C3orf33: variants seen among roughly 807,000 people sequenced by gnomAD.
The protein encoded by C3orf33 is AP-1 activity suppressor.
In C3orf33, 23 loss-of-function variants were observed where a neutral mutation model predicts 28.7. The ratio of observed to expected loss-of-function variants is 0.80; its 90% CI spans 0.58 to 1.13. The LOEUF is 1.13. Ranked by LOEUF, C3orf33 falls within the 50% of genes most tolerant of loss-of-function variation. C3orf33 has a pLI of 0.00. For missense variants in C3orf33, 327 were observed against 353.4 expected, an observed-to-expected ratio of 0.93 and a Z score of 0.60; for synonymous variants, 119 against 120.5, an observed-to-expected ratio of 0.99 and a Z score of 0.08.
In C3orf33 at chr3:155,799,858, A is replaced by T. The variant is rs148438649; in HGVS notation, c.174+2674T>A. Among the ~76,000 whole-genome samples the T allele has an allele frequency of 7.2e-5, 11 of 152,312 alleles. No individual in the cohort carries two copies. In the East Asian group the frequency reaches 2.1e-3, roughly 29 times the overall value. On this transcript the variant is annotated intron_variant, in intron 2 of 4. Coordinates refer to ENST00000340171, the MANE Select transcript of C3orf33 (RefSeq NM_001308229.2). ...GTTCTCACTTATTTGAGGGAACTAA[A>T]AAATTTAAAAATTGAATTCATGGAG...
At chr3:155,782,704 G>A (rs940874865) in intron 2 of C3orf33, among the ~76,000 whole-genome samples, 3 of 152,182 alleles carry the variant, frequency 2.0e-5, no homozygotes, top group African/African-American at 7.2e-5. Flanking sequence ...TACAAGCCAA[G>A]AAAGTTTGTT....
At chr3:155,799,706 T>C (rs965498485) in intron 2 of C3orf33, among the ~76,000 whole-genome samples, 9 of 151,854 alleles carry the variant, frequency 5.9e-5, no homozygotes, top group African/African-American at 2.2e-4. Context: ...AAAAAGAAAA[T>C]ATGGTACATA....
chr3:155,798,857 G>A (rs1235105557), intron 2 of C3orf33, among the ~76,000 whole-genome samples: 2 of 152,086 alleles, frequency 1.3e-5, no homozygotes, highest in African/African-American at 4.8e-5. Flanking sequence ...GAGAAAATAT[G>A]TGCAAACCAT....
rs149265634 is a variant in C3orf33 at position 155,783,206 on chromosome 3, A to G, written c.175-7358T>C. 4.6e-3 allele frequency among the ~76,000 whole-genome samples: 695 copies of G among 151,096 alleles called. 10 individuals are homozygous for G. The highest frequency in any genetic ancestry group is 0.016 in the African/African-American group (648 of 40,958). The stretch of plus-strand genomic sequence containing the variant: ...GTCTCGTTCTGTCACCCAGGCTGGA[A>G]TGCAGTGGCACAATCTCGGCTCACT... On this transcript the variant is annotated intron_variant, in intron 2 of 4. Coordinates refer to ENST00000340171, the MANE Select transcript of C3orf33 (RefSeq NM_001308229.2).
chr3:155,790,340 T>C (rs1577431273), intron 2 of C3orf33, among the ~76,000 whole-genome samples: 3 of 145,132 alleles, frequency 2.1e-5, no homozygotes, highest in Non-Finnish European at 3.0e-5. Flanking sequence ...AAAAAAAATA[T>C]AGGGCAAAAG....
At chr3:155,797,106 G>C (rs1751495590) in intron 2 of C3orf33, among the ~76,000 whole-genome samples, 1 of 152,182 alleles carries the variant, frequency 6.6e-6, no homozygotes, top group Non-Finnish European at 1.5e-5. Context: ...AGAATTGCTT[G>C]AACCTGGAGG....
intron 2 of C3orf33, among the ~76,000 whole-genome samples, chr3:155,782,907 A>T (rs962866118): frequency 3.3e-5 from 5 of 152,224 alleles, no homozygotes; most frequent in Non-Finnish European, 7.3e-5. Context: ...ATAATTTAAG[A>T]GACTACAGGT....
chr3:155,777,011 A>C (rs1750770179), intron 2 of C3orf33, among the ~76,000 whole-genome samples: 1 of 152,112 alleles, frequency 6.6e-6, no homozygotes, highest in African/African-American at 2.4e-5. Context: ...TAGATCATCT[A>C]TTTTTAAAAA....
intron 2 of C3orf33, among the ~76,000 whole-genome samples, chr3:155,780,425 T>C (rs1750883061): frequency 6.6e-6 from 1 of 152,264 alleles, no homozygotes; most frequent in Non-Finnish European, 1.5e-5. Flanking sequence ...ATCTACTTTG[T>C]CATCTATAAA....
chr3:155,781,400 C>CTT, intron 2 of C3orf33, among the ~76,000 whole-genome samples: 1 of 152,098 alleles, frequency 6.6e-6, no homozygotes, highest in East Asian at 1.9e-4. Flanking sequence ...TTGTTTTAAT[C>CTT]ACTTAATGTT....
chr3:155,790,751 C>A (rs1431033184), intron 2 of C3orf33, among the ~76,000 whole-genome samples: 2 of 152,066 alleles, frequency 1.3e-5, no homozygotes, highest in African/African-American at 2.4e-5. Flanking sequence ...TGAGCCGGGG[C>A]CCACAGAGGA....
At chr3:155,791,874 C>T (rs6804188) in intron 2 of C3orf33, among the ~76,000 whole-genome samples, 126,146 of 151,686 alleles carry the variant, frequency 0.83, 52,778 homozygotes, top group East Asian at 0.91. Flanking sequence ...CCGGATGACA[C>T]CTCTGGACCT....
chr3:155,782,331 A>T (rs1750952313), intron 2 of C3orf33, among the ~76,000 whole-genome samples: 1 of 128,406 alleles, frequency 7.8e-6, no homozygotes, highest in South Asian at 2.3e-4. Context: ...CAGGAGAGAA[A>T]CTATTTGAAA....
intron 2 of C3orf33, among the ~76,000 whole-genome samples, chr3:155,781,768 CAAA>C (rs36059033): frequency 7.8e-5 from 5 of 64,492 alleles, no homozygotes; most frequent in Non-Finnish European, 8.7e-5. Context: ...GACTCTATCT[CAAA>C]AAAAAAAAAA....
In C3orf33 at chr3:155,767,528, CAA is replaced by C. The variant is rs1398205684; in HGVS notation, c.462_463del (p.Phe154LeufsTer7). The C allele has an allele frequency of 1.9e-6, 3 of 1,572,626 alleles. No individual in the cohort carries two copies. The highest frequency in any genetic ancestry group is 1.7e-6 in the Non-Finnish European group (2 of 1,154,776). The stretch of plus-strand genomic sequence containing the variant: ...GCTTACCTTACTCACCAGAAGATAG[CAA>C]AAGAGTGCTGAATTCTCCTTTCCAA... On this transcript the variant is annotated frameshift_variant, in exon 4 of 5. Transcript: ENST00000340171. LOFTEE classifies it high-confidence loss of function.
chr3:155,793,075 C>A (rs374540773), intron 2 of C3orf33, among the ~76,000 whole-genome samples: 2 of 152,012 alleles, frequency 1.3e-5, no homozygotes, highest in East Asian at 3.9e-4. Flanking sequence ...ATCCTAAAAG[C>A]AGCAAGAGAA....
chr3:155,781,192 G>A (rs1750912982), intron 2 of C3orf33, among the ~76,000 whole-genome samples: 1 of 149,622 alleles, frequency 6.7e-6, no homozygotes, highest in Admixed American at 6.6e-5. Context: ...TTTTTTAGTA[G>A]AGACGGGGTT....
chr3:155,771,254 C>T (rs80336149), intron 3 of C3orf33, among the ~76,000 whole-genome samples: 6,440 of 152,094 alleles, frequency 0.042, 208 homozygotes, highest in South Asian at 0.067. Flanking sequence ...AACAGGCACA[C>T]GCCATCGGGC....
At chr3:155,788,198 AAAAG>A (rs1751196346) in intron 2 of C3orf33, among the ~76,000 whole-genome samples, 2 of 151,864 alleles carry the variant, frequency 1.3e-5, no homozygotes, top group African/African-American at 4.8e-5. Context: ...CTCAAAAAAA[AAAAG>A]GATAAAATAA....
Sources: gnomAD v4.1 joint callset for allele counts (sites outside exome capture counted in the v4.1 genomes callset) on GRCh38, gnomAD v4.1.1 for gene constraint, MANE v1.5 for transcripts, NCBI Gene and HGNC (gene_info 2026-07-23, HGNC 2026-07-21) for gene names.